GRHL2: variants seen among roughly 807,000 people sequenced by gnomAD.
The protein encoded by GRHL2 is grainyhead like transcription factor 2.
Under a neutral mutation model 83.8 loss-of-function variants are expected in GRHL2, and 21 were observed. The ratio of observed to expected loss-of-function variants is 0.25; its 90% CI spans 0.18 to 0.36. The LOEUF (loss-of-function observed/expected upper bound fraction) is 0.36, where lower values mean the gene tolerates loss of function less well. Among genes scored for constraint, GRHL2 ranks in the 10% least tolerant of loss-of-function variants. The pLI is 1.00. For synonymous variants in GRHL2, 280 were observed against 278.9 expected (o/e 1.00, Z -0.04); for missense variants, 623 against 781.8 (o/e 0.80, Z 2.42).
chr8:101,655,186 A>T (rs1201149848), intron 14 of GRHL2, among the ~76,000 whole-genome samples: 1 of 59,836 alleles, frequency 1.7e-5, no homozygotes, highest in Non-Finnish European at 2.8e-5. Flanking sequence ...CCAATCCTAA[A>T]AAAAAAAAAA....
intron 2 of GRHL2, among the ~76,000 whole-genome samples, chr8:101,547,304 A>G (rs909410490): frequency 1.3e-5 from 2 of 152,170 alleles, no homozygotes; most frequent in African/African-American, 4.8e-5. Context: ...CTGCCATGTT[A>G]TCATTCACAT....
rs554018436 is a variant in GRHL2, at chr8:101,602,547, C to T, written c.1098+3396C>T. Among the ~76,000 whole-genome samples, 20 of 152,240 alleles carry T rather than the reference C, an allele frequency of 1.3e-4. No homozygotes were observed. In the South Asian group the frequency reaches 4.2e-3, roughly 32 times the overall value. On this transcript the variant is annotated intron_variant, in intron 8 of 15. Coordinates refer to ENST00000646743, the MANE Select transcript of GRHL2 (RefSeq NM_024915.4). ...GTGTGTATTATGCATTTTTGTACTT[C>T]TGTTTAGAATTTTAACTTTTTTTTG...
intron 1 of GRHL2, among the ~76,000 whole-genome samples, chr8:101,499,298 C>T (rs767912236): frequency 5.9e-5 from 9 of 152,306 alleles, no homozygotes; most frequent in South Asian, 2.1e-4. Context: ...TATAGACATA[C>T]GTTTCTGGTT....
Position 101,592,387 on chromosome 8 carries a change from G to A in GRHL2, c.1004-6670G>A, listed in dbSNP as rs571971274. Among the ~76,000 whole-genome samples, 7 of 152,280 alleles carry A rather than the reference G, an allele frequency of 4.6e-5. No homozygotes were observed. In the East Asian group the frequency reaches 1.4e-3, roughly 29 times the overall value. On this transcript the variant is annotated intron_variant, in intron 7 of 15. Transcript: ENST00000646743. ...CAAGTTGCTGGGATTACAGGCACGA[G>A]CCACCATGCCCGGCCAGATATAGCA... is the stretch of plus-strand genomic sequence containing the variant.
chr8:101,568,259 C>T (rs1464312730), intron 4 of GRHL2, among the ~76,000 whole-genome samples: 1 of 152,232 alleles, frequency 6.6e-6, no homozygotes, highest in Non-Finnish European at 1.5e-5. Context: ...GGCAGCAGGA[C>T]CTACATTTTC....
intron 14 of GRHL2, among the ~76,000 whole-genome samples, chr8:101,652,427 T>A (rs1813665741): frequency 1.8e-5 from 1 of 55,210 alleles, no homozygotes; most frequent in Non-Finnish European, 3.3e-5. Context: ...GTGTGTGTGG[T>A]GTGTGTGTCT....
At chr8:101,535,605 C>A (rs1164535496) in intron 1 of GRHL2, among the ~76,000 whole-genome samples, 1 of 152,058 alleles carries the variant, frequency 6.6e-6, no homozygotes, top group Non-Finnish European at 1.5e-5. Flanking sequence ...GTGGCTTGAT[C>A]TTGGCTCACT....
chr8:101,649,273 G>A (rs1813573286), intron 13 of GRHL2, 141 bp from the exon 14 acceptor site: 1 of 706,700 alleles, frequency 1.4e-6, no homozygotes, highest in Non-Finnish European at 2.6e-6. Flanking sequence ...CTTGTTGAAT[G>A]TTAGTTATCT....
chr8:101,530,498 TAG>T (rs1341124066), intron 1 of GRHL2, among the ~76,000 whole-genome samples: 6 of 152,256 alleles, frequency 3.9e-5, no homozygotes, highest in Admixed American at 3.9e-4. Context: ...TTAAATATAA[TAG>T]TTCCCTTATT....
intron 1 of GRHL2, among the ~76,000 whole-genome samples, chr8:101,521,582 G>A (rs879425872): frequency 3.3e-5 from 5 of 152,208 alleles, no homozygotes; most frequent in Admixed American, 6.5e-5. Flanking sequence ...CTTTTTCATC[G>A]CTGTATCCCA....
At chr8:101,530,497 A>G (rs888536760) in intron 1 of GRHL2, among the ~76,000 whole-genome samples, 1 of 152,218 alleles carries the variant, frequency 6.6e-6, no homozygotes, top group Non-Finnish European at 1.5e-5. Context: ...CTTAAATATA[A>G]TAGTTCCCTT....
chr8:101,498,798 G>A (rs1021890825), intron 1 of GRHL2, among the ~76,000 whole-genome samples: 5 of 152,150 alleles, frequency 3.3e-5, no homozygotes, highest in East Asian at 3.9e-4. Context: ...GGATAAAGCC[G>A]GGCGTGGTGG....
At chr8:101,653,151 C>G (rs2129718463) in intron 14 of GRHL2, among the ~76,000 whole-genome samples, 1 of 152,240 alleles carries the variant, frequency 6.6e-6, no homozygotes, top group East Asian at 1.9e-4. Flanking sequence ...CAGTCCAAAG[C>G]CCCACATTAA....
rs908618668 is a variant in GRHL2, at chr8:101,599,241, C to T, written c.1098+90C>T. 6 of 863,318 alleles carry T rather than the reference C, an allele frequency of 6.9e-6. No individual in the cohort carries two copies. In the African/African-American group the frequency reaches 1.0e-4, roughly 14 times the overall value. 53.5% of individuals were successfully genotyped at this position (863,318 alleles called of 1,614,324 possible). The stretch of plus-strand genomic sequence containing the variant: ...TTTTAAAAGCCTGTATCAGTAGCCT[C>T]CTATTAAAAAGAAATGAACCTTTCA... On this transcript the variant is annotated intron_variant, in intron 8 of 15. Transcript: ENST00000646743.
intron 14 of GRHL2, among the ~76,000 whole-genome samples, chr8:101,654,833 A>G (rs1813749865): frequency 6.6e-6 from 1 of 152,230 alleles, no homozygotes; most frequent in African/African-American, 2.4e-5. Flanking sequence ...CTGTTCTTAT[A>G]CTCAGCAGAC....
At chr8:101,556,339 GAAAC>G (rs1011732783) in intron 3 of GRHL2, among the ~76,000 whole-genome samples, 13 of 152,208 alleles carry the variant, frequency 8.5e-5, no homozygotes, top group African/African-American at 2.9e-4. Context: ...GATAAAAACA[GAAAC>G]AAACAAACAA....
intron 14 of GRHL2, among the ~76,000 whole-genome samples, chr8:101,651,998 A>G (rs959636756): frequency 6.6e-6 from 1 of 152,186 alleles, no homozygotes; most frequent in African/African-American, 2.4e-5. Context: ...GGGGGCAGCC[A>G]TGAAGGACAG....
intron 12 of GRHL2, among the ~76,000 whole-genome samples, chr8:101,637,805 T>C (rs1813319855): frequency 6.6e-6 from 1 of 152,226 alleles, no homozygotes; most frequent in Admixed American, 6.5e-5. Flanking sequence ...TTTTGACTTC[T>C]ACCCGTTGGC....
chr8:101,637,642 T>C lies in GRHL2; in HGVS notation c.1517+714T>C, dbSNP rs116108339. Among the ~76,000 whole-genome samples the C allele has an allele frequency of 4.2e-3, 641 of 152,338 alleles. 5 individuals are homozygous for C. The highest frequency in any genetic ancestry group is 0.014 in the African/African-American group (597 of 41,584). Reference sequence around the variant, plus strand: ...GACCTCCTCTCGTAGATCATGGTAATAGCTATACCACCTCTTTGACAAGCA... The same window carrying C: ...GACCTCCTCTCGTAGATCATGGTAACAGCTATACCACCTCTTTGACAAGCA... On this transcript the variant is annotated intron_variant, in intron 12 of 15. Transcript: ENST00000646743.
Sources: gnomAD v4.1 joint callset for allele counts (sites outside exome capture counted in the v4.1 genomes callset) on GRCh38, gnomAD v4.1.1 for gene constraint, MANE v1.5 for transcripts, NCBI Gene and HGNC (gene_info 2026-07-23, HGNC 2026-07-21) for gene names.